FYB1: variants seen among roughly 807,000 people sequenced by gnomAD.
The protein encoded by FYB1 is FYN-binding protein 1.
A neutral mutation model predicts 94.1 loss-of-function variants in FYB1; 41 were observed. The ratio of observed to expected loss-of-function variants is 0.44; its 90% CI spans 0.34 to 0.57. The LOEUF (loss-of-function observed/expected upper bound fraction) is 0.57. Among genes scored for constraint, FYB1 ranks in the 20% least tolerant of loss-of-function variants. The probability of loss-of-function intolerance (pLI) is 0.02; values close to 1 mark genes in which losing one functional copy is unlikely to be tolerated. For missense variants in FYB1, 1,050 were observed against 976.8 expected, an observed-to-expected ratio of 1.07 and a Z score of -1.00; for synonymous variants, 367 against 353.2, an observed-to-expected ratio of 1.04 and a Z score of -0.44.
At chr5:39,200,331 A>T (rs765138052) in intron 2 of FYB1, among the ~76,000 whole-genome samples, 7 of 152,196 alleles carry the variant, frequency 4.6e-5, no homozygotes, top group Non-Finnish European at 1.0e-4. Context: ...AACATGTGTT[A>T]CCACCATGCT....
At chr5:39,198,420 G>A (rs1339271456) in intron 2 of FYB1, among the ~76,000 whole-genome samples, 1 of 152,048 alleles carries the variant, frequency 6.6e-6, no homozygotes, top group Non-Finnish European at 1.5e-5. Context: ...TAATTCATGG[G>A]ACATTATAAG....
At chr5:39,128,297 G>GT (rs1740872112) in intron 10 of FYB1, among the ~76,000 whole-genome samples, 2 of 152,058 alleles carry the variant, frequency 1.3e-5, no homozygotes, top group African/African-American at 4.8e-5. Context: ...AAGTTAAACT[G>GT]TTTCTGGTTT....
At chr5:39,204,862 A>G (rs1748702677) in intron 1 of FYB1, among the ~76,000 whole-genome samples, 1 of 151,790 alleles carries the variant, frequency 6.6e-6, no homozygotes, top group Non-Finnish European at 1.5e-5. Flanking sequence ...ACTTTAATTT[A>G]CCTCCCTTAT....
intron 2 of FYB1, among the ~76,000 whole-genome samples, chr5:39,185,627 C>T (rs528914560): frequency 5.0e-5 from 7 of 140,104 alleles, no homozygotes; most frequent in South Asian, 2.2e-4. Context: ...TATATACACA[C>T]ATATATATAT....
chr5:39,146,652 A>G (rs147467951), intron 3 of FYB1, among the ~76,000 whole-genome samples: 408 of 152,286 alleles, frequency 2.7e-3, no homozygotes, highest in African/African-American at 7.6e-3. Flanking sequence ...AATAACAAAT[A>G]CTTCTAAAAG....
chr5:39,136,565 C>G (rs765002697), intron 7 of FYB1, among the ~76,000 whole-genome samples: 64 of 152,022 alleles, frequency 4.2e-4, no homozygotes, highest in Non-Finnish European at 7.9e-4. Flanking sequence ...TATTTTAGTT[C>G]CATAACAAAC....
chr5:39,171,867 T>C (rs561558176), intron 2 of FYB1, among the ~76,000 whole-genome samples: 6 of 152,180 alleles, frequency 3.9e-5, no homozygotes, highest in African/African-American at 1.4e-4. Context: ...AACCTGGGGA[T>C]TGTAAGGTGG....
At chr5:39,226,200 T>G (rs191429204) in intron 1 of FYB1, among the ~76,000 whole-genome samples, 102 of 152,292 alleles carry the variant, frequency 6.7e-4, no homozygotes, top group African/African-American at 2.4e-3. Flanking sequence ...TGCTCCTGTC[T>G]CCCAAGTGTT....
At chr5:39,266,071 A>C (rs1752426217) in intron 1 of FYB1, among the ~76,000 whole-genome samples, 1 of 152,188 alleles carries the variant, frequency 6.6e-6, no homozygotes, top group Non-Finnish European at 1.5e-5. Context: ...TTTCTTCCAG[A>C]AAATTCTACA....
chr5:39,268,337 C>G (rs1242945015), intron 1 of FYB1, among the ~76,000 whole-genome samples: 1 of 151,424 alleles, frequency 6.6e-6, no homozygotes. Flanking sequence ...AAATAATCCT[C>G]CTGCATCAGC....
upstream of FYB1, among the ~76,000 whole-genome samples, chr5:39,222,203 G>A (rs1232826853): frequency 1.3e-5 from 2 of 152,012 alleles, no homozygotes; most frequent in Admixed American, 1.3e-4. Flanking sequence ...GACTGGGTAA[G>A]GCCTTCTGAG....
intron 1 of FYB1, among the ~76,000 whole-genome samples, chr5:39,214,216 A>G (rs1477925716): frequency 6.6e-6 from 1 of 152,244 alleles, no homozygotes; most frequent in Non-Finnish European, 1.5e-5. Flanking sequence ...TTGAATGGCT[A>G]TAATTTAAAA....
chr5:39,148,189 ATATATATATATATATATAT>A (rs1742908249), intron 3 of FYB1, among the ~76,000 whole-genome samples: 3 of 73,052 alleles, frequency 4.1e-5, no homozygotes, highest in Admixed American at 1.4e-4. Context: ...ATATATATAT[ATATATATATATATATATAT>A]TTGTAGACGC....
chr5:39,183,391 G>C (rs1428829266), intron 2 of FYB1, among the ~76,000 whole-genome samples: 1 of 152,176 alleles, frequency 6.6e-6, no homozygotes, highest in African/African-American at 2.4e-5. Flanking sequence ...CATTGGACCT[G>C]TTAGTATCTA....
At chr5:39,232,921 T>G (rs1434175457) in intron 1 of FYB1, among the ~76,000 whole-genome samples, 6 of 152,154 alleles carry the variant, frequency 3.9e-5, no homozygotes, top group African/African-American at 1.4e-4. Context: ...GGCTGCATAG[T>G]ATTCCAGGGT....
chr5:39,164,382 A>G (rs1356664142), intron 2 of FYB1, among the ~76,000 whole-genome samples: 1 of 152,150 alleles, frequency 6.6e-6, no homozygotes, highest in Non-Finnish European at 1.5e-5. Context: ...ATCAAACAAA[A>G]AACTCTGCAC....
chr5:39,268,388 T>C, intron 1 of FYB1, among the ~76,000 whole-genome samples: 1 of 151,982 alleles, frequency 6.6e-6, no homozygotes, highest in Admixed American at 6.6e-5. Flanking sequence ...CCACTAGGCC[T>C]GGCTGATTTA....
At chr5:39,109,828 T>A (rs974483098) in intron 17 of FYB1, among the ~76,000 whole-genome samples, 1 of 152,144 alleles carries the variant, frequency 6.6e-6, no homozygotes, top group South Asian at 2.1e-4. Flanking sequence ...TTCATAAGAA[T>A]AGAAGAATCA....
At chr5:39,129,421 C>T (rs887628035) in intron 10 of FYB1, among the ~76,000 whole-genome samples, 2 of 151,596 alleles carry the variant, frequency 1.3e-5, no homozygotes, top group African/African-American at 2.4e-5. Flanking sequence ...TGACTAACAC[C>T]CCAAAAGCAC....
Sources: gnomAD v4.1 joint callset for allele counts (sites outside exome capture counted in the v4.1 genomes callset) on GRCh38, gnomAD v4.1.1 for gene constraint, MANE v1.5 for transcripts, NCBI Gene and HGNC (gene_info 2026-07-23, HGNC 2026-07-21) for gene names.